Variants in SUSD6 observed in about 807,000 individuals in gnomAD.
SUSD6 encodes the protein sushi domain-containing protein 6.
Under a neutral mutation model 28.4 loss-of-function variants are expected in SUSD6, and 16 were observed. That is an observed-to-expected ratio of 0.56 (90% CI 0.38 to 0.86). The LOEUF is 0.86. Among genes scored for constraint, SUSD6 ranks in the 40% least tolerant of loss-of-function variants. The pLI is 0.00. For synonymous variants in SUSD6, 147 were observed against 159.6 expected (o/e 0.92, Z 0.59); for missense variants, 341 against 384.2 (o/e 0.89, Z 0.94).
At chr14:69,639,343 A>G (rs1182290244) in intron 1 of SUSD6, among the ~76,000 whole-genome samples, 1 of 151,278 alleles carries the variant, frequency 6.6e-6, no homozygotes, top group Non-Finnish European at 1.5e-5. Context: ...AAAAAAAGAA[A>G]TAAGGCCAAA....
At chr14:69,622,787 T>G (rs1249356115) in intron 1 of SUSD6, among the ~76,000 whole-genome samples, 1 of 152,162 alleles carries the variant, frequency 6.6e-6, no homozygotes, top group Non-Finnish European at 1.5e-5. Flanking sequence ...AGAGATGAAG[T>G]TTCACTATGT....
At chr14:69,710,070 G>A (rs1231910812) in intron 5 of SUSD6, among the ~76,000 whole-genome samples, 3 of 152,136 alleles carry the variant, frequency 2.0e-5, no homozygotes, top group South Asian at 2.1e-4. Context: ...TCTTGCCTTC[G>A]TTTTTCTTGG....
At position 69,679,330 on chromosome 14, in the gene SUSD6, C is replaced by T. The variant is rs144272178; in HGVS notation, c.121+20617C>T. 1.1e-3 allele frequency among the ~76,000 whole-genome samples: 162 copies of T among 152,274 alleles called. 2 individuals are homozygous for T. In the East Asian group the frequency reaches 0.021, roughly 20 times the overall value. ...AGTTGAGTTTACAGAAGCTATATGG[C>T]ATGTGTTGTGATCATTGATGTTAAC... On this transcript the variant is annotated intron_variant, in intron 2 of 5. Coordinates refer to ENST00000342745, the MANE Select transcript of SUSD6 (RefSeq NM_014734.4).
intron 1 of SUSD6, among the ~76,000 whole-genome samples, chr14:69,624,682 C>T (rs1349437802): frequency 3.9e-5 from 6 of 151,986 alleles, no homozygotes; most frequent in East Asian, 1.9e-4. Flanking sequence ...CTCGAACTCC[C>T]GACCTCAGGT....
At chr14:69,685,854 C>T (rs987230456) in intron 2 of SUSD6, among the ~76,000 whole-genome samples, 1 of 152,126 alleles carries the variant, frequency 6.6e-6, no homozygotes, top group Non-Finnish European at 1.5e-5. Flanking sequence ...ATTGACACCC[C>T]GATTGCCTTT....
intron 2 of SUSD6, among the ~76,000 whole-genome samples, chr14:69,688,934 T>C (rs1443412014): frequency 6.6e-6 from 1 of 152,214 alleles, no homozygotes; most frequent in Non-Finnish European, 1.5e-5. Context: ...GGGCCTACCC[T>C]CTTCTGGCAC....
At chr14:69,695,777 T>G (rs1886216269) in intron 2 of SUSD6, among the ~76,000 whole-genome samples, 1 of 152,242 alleles carries the variant, frequency 6.6e-6, no homozygotes, top group Non-Finnish European at 1.5e-5. Context: ...TAGAGGGTTT[T>G]TTGTGAAACT....
At position 69,687,069 on chromosome 14, in the gene SUSD6, G is replaced by A. The variant is rs951539689; in HGVS notation, c.122-16326G>A. Among the ~76,000 whole-genome samples the A allele has an allele frequency of 4.6e-5, 7 of 152,176 alleles. No individual in the cohort carries two copies. The South Asian group carries it at 1.5e-3, about 32-fold the overall frequency. ...GTCTTACTGCAACCTCCGCCTCCTGGGTTCAGGCGAGTCTCCTGCCTCAGC... is the reference window on the plus strand; with the variant it reads ...GTCTTACTGCAACCTCCGCCTCCTGAGTTCAGGCGAGTCTCCTGCCTCAGC... On this transcript the variant is annotated intron_variant, in intron 2 of 5. Transcript: ENST00000342745.
intron 1 of SUSD6, among the ~76,000 whole-genome samples, chr14:69,647,151 G>C (rs944941607): frequency 6.6e-6 from 1 of 152,196 alleles, no homozygotes; most frequent in South Asian, 2.1e-4. Flanking sequence ...TTACAATTAA[G>C]TACCTTGGCC....
At position 69,711,971 on chromosome 14, in the gene SUSD6, C is replaced by T. The variant is rs1157834177; in HGVS notation, c.*992C>T. ...TGCTGAGATGCCATGGAGTGCCCAT[C>T]TGGTCACTGGCAGTCTGGGCAGGTT... On this transcript the variant is annotated 3_prime_UTR_variant, in exon 6 of 6. Transcript: ENST00000342745. 6.6e-6 allele frequency: 1 copy of T among 152,220 alleles called. No homozygotes were observed. Among genetic ancestry groups the T allele is most frequent in the African/African-American group, 2.4e-5 (1 of 41,418 alleles). The allele number at this position is 152,220 out of a possible 1,614,324, so 9.4% of individuals were successfully genotyped here.
intron 1 of SUSD6, among the ~76,000 whole-genome samples, chr14:69,640,289 C>G (rs146588430): frequency 6.6e-6 from 1 of 151,590 alleles, no homozygotes; most frequent in African/African-American, 2.4e-5. Context: ...GAGAATTCTT[C>G]CATTCTGAAA....
rs45600833 is a variant in SUSD6, at chr14:69,708,914, C to T, written c.696C>T (p.Ala232=). 1.2e-3 allele frequency: 1,890 copies of T among 1,614,128 alleles called. 2 individuals are homozygous for T. The highest frequency in any genetic ancestry group is 1.4e-3 in the Non-Finnish European group (1,623 of 1,180,018). The change falls in exon 5 of 6, where the codon GCC becomes GCT. Residue 232 remains alanine (A), a synonymous_variant. Coordinates refer to ENST00000342745, the MANE Select transcript of SUSD6 (RefSeq NM_014734.4). ...CCTCTGCAGGTGGAGAAGATGAGGC[C>T]CCAGGCCAGTCTGGACTATGTGAAG... is the stretch of plus-strand genomic sequence containing the variant. The part of the protein sequence containing the change: ...ACSSAGGEDE[A]PGQSGLCEAW...
chr14:69,709,214 G>A, intron 5 of SUSD6, 110 bp downstream of exon 5: 1 of 1,007,568 alleles, frequency 9.9e-7, no homozygotes, highest in Non-Finnish European at 1.4e-6. Context: ...GCAAAAAAAA[G>A]ATAGTACCTG....
chr14:69,706,914 A>C (rs1463541087), intron 4 of SUSD6, among the ~76,000 whole-genome samples: 1 of 152,200 alleles, frequency 6.6e-6, no homozygotes, highest in Admixed American at 6.5e-5. Flanking sequence ...GAAAGGACAC[A>C]GCATCACCTA....
At chr14:69,656,148 C>A (rs1196271138) in intron 1 of SUSD6, among the ~76,000 whole-genome samples, 1 of 147,634 alleles carries the variant, frequency 6.8e-6, no homozygotes, top group Non-Finnish European at 1.5e-5. Flanking sequence ...CTCCCTCCGT[C>A]TTCCTCCATT....
rs140895930 is a variant in SUSD6, at chr14:69,663,428, A to G, written c.121+4715A>G. On this transcript the variant is annotated intron_variant, in intron 2 of 5. Coordinates refer to ENST00000342745, the MANE Select transcript of SUSD6 (RefSeq NM_014734.4). ...TCATTGAAAATGGAAAGTGTTGAGA[A>G]CTAGGTTCTCTGGGAGATGACTTGG... Among the ~76,000 whole-genome samples the G allele has an allele frequency of 3.3e-3, 497 of 152,358 alleles. 1 individual carries two copies. The highest frequency in any genetic ancestry group is 0.011 in the African/African-American group (463 of 41,584).
chr14:69,701,768 G>T (rs1886315587), intron 2 of SUSD6, among the ~76,000 whole-genome samples: 1 of 152,128 alleles, frequency 6.6e-6, no homozygotes, highest in African/African-American at 2.4e-5. Flanking sequence ...CTGGATCCCT[G>T]TGGCACCTAC....
chr14:69,670,436 G>T (rs753964421), intron 2 of SUSD6: 15 of 456,608 alleles, frequency 3.3e-5, no homozygotes, highest in South Asian at 2.3e-4. Flanking sequence ...TCATTAGGGG[G>T]TCTCCTGACT....
intron 1 of SUSD6, among the ~76,000 whole-genome samples, chr14:69,645,288 G>C (rs1017645735): frequency 2.1e-4 from 32 of 152,286 alleles, no homozygotes; most frequent in African/African-American, 7.5e-4. Flanking sequence ...TAGAAAGGAG[G>C]GAAATGGCAG....
Sources: allele counts gnomAD v4.1 joint callset (sites outside exome capture counted in the v4.1 genomes callset), GRCh38; gene constraint gnomAD v4.1.1; transcripts MANE v1.5; gene names NCBI Gene and HGNC (gene_info 2026-07-23, HGNC 2026-07-21).